Variants in ZNF618 observed in about 807,000 individuals in gnomAD.
ZNF618 encodes the protein zinc finger protein 618.
ZNF618 carries 34 observed loss-of-function variants against 103.0 expected under a neutral mutation model. That is an observed-to-expected ratio of 0.33 (90% CI 0.25 to 0.44). The LOEUF is 0.44. Ranked by LOEUF, ZNF618 falls within the 20% of genes least tolerant of loss-of-function variation. The pLI, the probability that ZNF618 is intolerant of heterozygous loss-of-function variation, is 1.00. For synonymous variants in ZNF618, 551 were observed against 542.2 expected (o/e 1.02, Z -0.23); for missense variants, 1,059 against 1,295.4 (o/e 0.82, Z 2.80).
At chr9:113,894,869 G>A (rs1829906350) in intron 1 of ZNF618, among the ~76,000 whole-genome samples, 1 of 151,972 alleles carries the variant, frequency 6.6e-6, no homozygotes, top group Non-Finnish European at 1.5e-5. Context: ...TTTCTAGGTA[G>A]GCAATAATAT....
At chr9:113,930,334 A>G (rs1833461254) in intron 1 of ZNF618, among the ~76,000 whole-genome samples, 1 of 152,226 alleles carries the variant, frequency 6.6e-6, no homozygotes, top group Non-Finnish European at 1.5e-5. Context: ...TTATACATTT[A>G]AAACTAGTTA....
At chr9:113,937,466 A>G (rs180990795) in intron 1 of ZNF618, among the ~76,000 whole-genome samples, 2 of 152,368 alleles carry the variant, frequency 1.3e-5, no homozygotes, top group Admixed American at 6.5e-5. Flanking sequence ...TTCACTGTAT[A>G]TTCCTATGTT....
At chr9:114,040,181 C>T (rs182563243) in intron 13 of ZNF618, among the ~76,000 whole-genome samples, 22 of 152,292 alleles carry the variant, frequency 1.4e-4, no homozygotes, top group African/African-American at 5.3e-4. Flanking sequence ...GCAGCTTACC[C>T]TGCCCTAGCA....
At chr9:113,977,098 G>A (rs1041730103) in intron 2 of ZNF618, among the ~76,000 whole-genome samples, 44 of 152,176 alleles carry the variant, frequency 2.9e-4, no homozygotes, top group African/African-American at 8.4e-4. Context: ...GCAAGAGCTG[G>A]TTGGTTGTCA....
chr9:114,009,398 G>A (rs1842045737), intron 9 of ZNF618, among the ~76,000 whole-genome samples: 2 of 152,166 alleles, frequency 1.3e-5, no homozygotes, highest in Non-Finnish European at 2.9e-5. Flanking sequence ...GCATCCTCAG[G>A]AGAATGAGCC....
chr9:114,050,212 T>C lies in ZNF618; in HGVS notation c.*45T>C. The C allele has an allele frequency of 2.0e-6, 3 of 1,503,644 alleles. No individual in the cohort carries two copies. Among genetic ancestry groups the C allele is most frequent in the Non-Finnish European group, 2.6e-6 (3 of 1,134,370 alleles). 93.1% of individuals were successfully genotyped at this position (1,503,644 alleles called of 1,614,324 possible). ...AAAAAAGAAAAAGAGAAGATAACAT[T>C]AGAAAAAAACCACACAACACTGTCA... On this transcript the variant is annotated 3_prime_UTR_variant, in exon 15 of 15. Coordinates refer to ENST00000374126, the MANE Select transcript of ZNF618 (RefSeq NM_001318042.2).
chr9:114,040,765 A>G (rs1845096737), intron 13 of ZNF618, among the ~76,000 whole-genome samples: 2 of 152,288 alleles, frequency 1.3e-5, no homozygotes, highest in South Asian at 2.1e-4. Flanking sequence ...AGTCTTTGCT[A>G]TTGTGAATAG....
intron 1 of ZNF618, among the ~76,000 whole-genome samples, chr9:113,939,080 C>T (rs986357254): frequency 6.7e-6 from 1 of 150,156 alleles, no homozygotes; most frequent in Non-Finnish European, 1.5e-5. Context: ...CTTCTTGTTT[C>T]TTGTCTTCAA....
chr9:113,902,119 G>A (rs1418135477), intron 1 of ZNF618, among the ~76,000 whole-genome samples: 2 of 152,004 alleles, frequency 1.3e-5, no homozygotes, highest in Non-Finnish European at 2.9e-5. Context: ...CGTGAGGGTG[G>A]AGAGTGCAGA....
intron 13 of ZNF618, among the ~76,000 whole-genome samples, chr9:114,040,290 T>C (rs1845030959): frequency 6.6e-6 from 1 of 150,736 alleles, no homozygotes; most frequent in Non-Finnish European, 1.5e-5. Flanking sequence ...GGTTTTCACA[T>C]CTCTGTACTG....
At chr9:113,979,639 G>A (rs1838801680) in intron 2 of ZNF618, among the ~76,000 whole-genome samples, 1 of 152,220 alleles carries the variant, frequency 6.6e-6, no homozygotes, top group South Asian at 2.1e-4. Context: ...GGCTACAGGT[G>A]CCTCCAGTGC....
intron 2 of ZNF618, among the ~76,000 whole-genome samples, chr9:113,978,240 G>A (rs746273869): frequency 1.1e-4 from 17 of 152,180 alleles, no homozygotes; most frequent in South Asian, 2.1e-4. Flanking sequence ...CATGGGCCTC[G>A]CTCCTGTCAT....
intron 8 of ZNF618, 34 bp from the exon 9 acceptor site, chr9:114,008,443 A>G: frequency 6.2e-7 from 1 of 1,613,216 alleles, no homozygotes; most frequent in South Asian, 1.1e-5. Flanking sequence ...GACCTGGGGG[A>G]CCAGGGTGCT....
chr9:113,914,509 A>G (rs1329161294), intron 1 of ZNF618, among the ~76,000 whole-genome samples: 1 of 152,188 alleles, frequency 6.6e-6, no homozygotes, highest in African/African-American at 2.4e-5. Context: ...AATCATTCGG[A>G]GTTGCCGGTT....
intron 1 of ZNF618, among the ~76,000 whole-genome samples, chr9:113,889,393 C>A (rs1279715551): frequency 6.6e-6 from 1 of 151,206 alleles, no homozygotes; most frequent in Non-Finnish European, 1.5e-5. Flanking sequence ...ATAGAGGCTT[C>A]ATATATGGCT....
At chr9:113,949,170 T>G (rs1344772087) in intron 1 of ZNF618, among the ~76,000 whole-genome samples, 1 of 152,232 alleles carries the variant, frequency 6.6e-6, no homozygotes, top group Admixed American at 6.5e-5. Context: ...TGCGTCTGAC[T>G]TCTGCATTGG....
At chr9:114,043,340 T>G (rs944927931) in intron 13 of ZNF618, among the ~76,000 whole-genome samples, 1 of 152,216 alleles carries the variant, frequency 6.6e-6, no homozygotes, top group Non-Finnish European at 1.5e-5. Context: ...TTTTTACATT[T>G]CTACCAACAG....
chr9:113,880,325 TTG>T lies in ZNF618; in HGVS notation c.33+3913_33+3914del, dbSNP rs373497192. Among the ~76,000 whole-genome samples, 321 of 152,286 alleles carry T rather than the reference TTG, an allele frequency of 2.1e-3. 1 individual carries two copies. In the Middle Eastern group the frequency reaches 0.031, roughly 15 times the overall value. On this transcript the variant is annotated intron_variant, in intron 1 of 14. Coordinates refer to ENST00000374126, the MANE Select transcript of ZNF618 (RefSeq NM_001318042.2). ...CCCCACAAGGTCTTGCTGTGTGACCTTGGACAAATCACTTTTTCCTTCAGAGC... is the reference window on the plus strand; with the variant it reads ...CCCCACAAGGTCTTGCTGTGTGACCTGACAAATCACTTTTTCCTTCAGAGC...
chr9:113,992,008 G>A (rs1840110881), intron 3 of ZNF618, among the ~76,000 whole-genome samples: 1 of 152,176 alleles, frequency 6.6e-6, no homozygotes, highest in Non-Finnish European at 1.5e-5. Flanking sequence ...CAGGCTCAGA[G>A]GAAGCTGGCT....
Sources: gnomAD v4.1 joint callset for allele counts (sites outside exome capture counted in the v4.1 genomes callset) on GRCh38, gnomAD v4.1.1 for gene constraint, MANE v1.5 for transcripts, NCBI Gene and HGNC (gene_info 2026-07-23, HGNC 2026-07-21) for gene names.